The following MAPKAP1 variants were observed in gnomAD, a reference collection of about 807,000 sequenced individuals.
MAPKAP1 encodes the protein MAPK associated protein 1.
A neutral mutation model predicts 65.7 loss-of-function variants in MAPKAP1; 20 were observed. The observed-to-expected ratio is 0.30, with a 90% CI of 0.21 to 0.44. The LOEUF is 0.44. Among genes scored for constraint, MAPKAP1 ranks in the 20% least tolerant of loss-of-function variants. The pLI is 1.00. For synonymous variants in MAPKAP1, 222 were observed against 244.3 expected (o/e 0.91, Z 0.85); for missense variants, 423 against 648.0 (o/e 0.65, Z 3.77).
intron 7 of MAPKAP1, among the ~76,000 whole-genome samples, chr9:125,536,007 G>A (rs756230871): frequency 1.3e-5 from 2 of 152,208 alleles, no homozygotes; most frequent in African/African-American, 4.8e-5. Flanking sequence ...AAAGATTAGC[G>A]ACTAGCAGGA....
At chr9:125,471,055 A>T (rs1853899054) in intron 9 of MAPKAP1, 1 of 152,172 alleles carries the variant, frequency 6.6e-6, no homozygotes, top group Non-Finnish European at 1.5e-5. Context: ...TGATGGGAAA[A>T]ATCCTTTTGT....
chr9:125,576,788 T>C (rs1272334664), intron 5 of MAPKAP1, among the ~76,000 whole-genome samples: 26 of 152,306 alleles, frequency 1.7e-4, no homozygotes, highest in South Asian at 6.2e-4. Context: ...CCCGAGGTGC[T>C]GGGATTGCAG....
Position 125,707,158 on chromosome 9 carries a change from C to A in MAPKAP1, c.-257G>T. On this transcript the variant is annotated 5_prime_UTR_variant, in exon 1 of 12. Transcript: ENST00000265960. The stretch of plus-strand genomic sequence containing the variant: ...TTAGCCCTCATGCCCCTGCTGCTCG[C>A]CGCCGCCGGCCGGCCGAGCAGCAGC... The A allele has an allele frequency of 2.5e-6, 1 of 398,182 alleles. No homozygotes were observed. Among genetic ancestry groups the A allele is most frequent in the Non-Finnish European group, 4.4e-6 (1 of 225,748 alleles). 24.7% of individuals were successfully genotyped at this position (398,182 alleles called of 1,614,324 possible). A position where few individuals can be genotyped will look rare whatever the true frequency, so the allele number is the denominator to read the frequency against.
At position 125,669,832 on chromosome 9, in the gene MAPKAP1, T is replaced by C. The variant is rs1278792108; in HGVS notation, c.335A>G (p.Asn112Ser). 2 of 1,563,836 alleles carry C rather than the reference T, an allele frequency of 1.3e-6. No individual in the cohort carries two copies. Among genetic ancestry groups the C allele is most frequent in the East Asian group, 2.3e-5 (1 of 43,978 alleles). ...TTTCCATTTACCTGATTGCTTAGAATTTCTTTCTTTCCACTGAATATTTTT... is the reference window on the plus strand; with the variant it reads ...TTTCCATTTACCTGATTGCTTAGAACTTCTTTCTTTCCACTGAATATTTTT... ...KCKNIQWKER[N>S]SKQSAQELKS... is the part of the protein sequence containing the mutation. The change falls in exon 3 of 12, where the codon AAT (asparagine) becomes AGT (serine). Residue 112 changes from asparagine (N) to serine (S), a missense_variant. Around this residue, in one of 6 missense-constraint regions of MAPKAP1, gnomAD observed 67 missense variants for 69.6 expected, o/e 0.96. Coordinates refer to ENST00000265960, the MANE Select transcript of MAPKAP1 (RefSeq NM_001006617.3).
At chr9:125,704,812 G>C (rs188374262) in intron 1 of MAPKAP1, among the ~76,000 whole-genome samples, 13 of 152,238 alleles carry the variant, frequency 8.5e-5, no homozygotes, top group Middle Eastern at 3.4e-3. Context: ...GTATCTTATA[G>C]CTATTTATTT....
chr9:125,626,430 A>G (rs540797155), intron 4 of MAPKAP1, among the ~76,000 whole-genome samples: 54 of 152,358 alleles, frequency 3.5e-4, no homozygotes, highest in African/African-American at 1.2e-3. Context: ...TCCTATGCAG[A>G]TCCAATCTCT....
rs1370878478 is a variant in MAPKAP1 at position 125,595,908 on chromosome 9, G to A, written c.499-10181C>T. On this transcript the variant is annotated intron_variant, in intron 4 of 11. Transcript: ENST00000265960. The surrounding 1 kb of genome is among the most constrained non-coding windows in gnomAD (Gnocchi z 4.0). Reference sequence around the variant, plus strand: ...AATGCAAGGCCACACAAGGTGGATCGGAGTTGTGGAACCAAAGAGAGCTGT... The same window carrying A: ...AATGCAAGGCCACACAAGGTGGATCAGAGTTGTGGAACCAAAGAGAGCTGT... 1.0e-5 allele frequency: 13 copies of A among 1,255,436 alleles called. No homozygotes were observed. Among genetic ancestry groups the A allele is most frequent in the Admixed American group, 1.7e-5 (1 of 59,580 alleles). The allele number at this position is 1,255,436 out of a possible 1,614,324, so 77.8% of individuals were successfully genotyped here.
intron 5 of MAPKAP1, among the ~76,000 whole-genome samples, chr9:125,570,922 T>TAAAA (rs35868224): frequency 1.4e-5 from 2 of 143,082 alleles, no homozygotes; most frequent in African/African-American, 5.1e-5. Context: ...TGCTCTTTCA[T>TAAAA]AAAAAAAAAA....
chr9:125,584,599 G>A (rs1409304317), intron 5 of MAPKAP1, among the ~76,000 whole-genome samples: 1 of 152,120 alleles, frequency 6.6e-6, no homozygotes, highest in African/African-American at 2.4e-5. Context: ...GCTAATTTTT[G>A]TATTTTCAGT....
intron 3 of MAPKAP1, among the ~76,000 whole-genome samples, chr9:125,662,345 G>A (rs1017218534): frequency 6.6e-6 from 1 of 152,174 alleles, no homozygotes; most frequent in Non-Finnish European, 1.5e-5. Context: ...TCATGCCACT[G>A]CATTCTAGCC....
chr9:125,466,838 G>A (rs1258511251), intron 10 of MAPKAP1, among the ~76,000 whole-genome samples: 6 of 152,148 alleles, frequency 3.9e-5, no homozygotes, highest in Admixed American at 3.9e-4. Context: ...AGCAGAGTTT[G>A]ACAAAAAATT....
intron 7 of MAPKAP1, among the ~76,000 whole-genome samples, chr9:125,510,696 G>C (rs186769359): frequency 9.2e-5 from 14 of 152,264 alleles, no homozygotes; most frequent in African/African-American, 3.4e-4. Flanking sequence ...AACAACCTGG[G>C]GGAAGGCAGG....
intron 10 of MAPKAP1, among the ~76,000 whole-genome samples, chr9:125,462,223 G>A (rs900578220): frequency 6.6e-6 from 1 of 152,232 alleles, no homozygotes; most frequent in African/African-American, 2.4e-5. Context: ...TGCCCAGGGT[G>A]ATTTCAGTAA....
chr9:125,573,512 A>T (rs1208544220), intron 5 of MAPKAP1, among the ~76,000 whole-genome samples: 2 of 152,220 alleles, frequency 1.3e-5, no homozygotes, highest in Admixed American at 6.5e-5. Context: ...GCAGCCCCAA[A>T]GGGTTGGCTA....
chr9:125,444,443 A>G (rs951482867), intron 11 of MAPKAP1, 58 bp downstream of exon 11: 2 of 1,348,660 alleles, frequency 1.5e-6, no homozygotes, highest in South Asian at 2.5e-5. Flanking sequence ...TGCCGCAAAC[A>G]GCCTGAAGAG....
In MAPKAP1 at chr9:125,509,965, A is replaced by G. The variant is rs564630135; in HGVS notation, c.959-3548T>C. On this transcript the variant is annotated intron_variant, in intron 7 of 11. Transcript: ENST00000265960. ...TTTCTTGGATCTTGCAGATATTTCT[A>G]TTAAAATTAGTTTTCTGAAAGTAGC... 2.6e-4 allele frequency among the ~76,000 whole-genome samples: 39 copies of G among 152,328 alleles called. No homozygotes were observed. In the East Asian group the frequency reaches 6.4e-3, roughly 25 times the overall value.
chr9:125,488,091 C>T (rs1213859442), intron 8 of MAPKAP1, among the ~76,000 whole-genome samples: 2 of 152,316 alleles, frequency 1.3e-5, no homozygotes, highest in Middle Eastern at 3.4e-3. Context: ...TGGCTCAACA[C>T]AGTAATGCTT....
In MAPKAP1 at chr9:125,536,585, TATTC is replaced by T. The variant is rs6151178; in HGVS notation, c.958+6470_958+6473del. On this transcript the variant is annotated intron_variant, in intron 7 of 11. Transcript: ENST00000265960. ...CACTTAAACAGTTCTATTTTCCATT[TATTC>T]ATTCATTCATTCATTCAGTGTTTAT... Among the ~76,000 whole-genome samples the T allele has an allele frequency of 1.5e-4, 23 of 151,730 alleles. No individual in the cohort carries two copies. In the East Asian group the frequency reaches 3.7e-3, roughly 24 times the overall value.
At chr9:125,482,131 T>TAAAAAAAAAAAAAAA (rs1554808939) in intron 9 of MAPKAP1, among the ~76,000 whole-genome samples, 1 of 99,116 alleles carries the variant, frequency 1.0e-5, no homozygotes, top group Non-Finnish European at 1.9e-5. Flanking sequence ...AAACTCTGTC[T>TAAAAAAAAAAAAAAA]AAAAAAAAAA....
Sources: gnomAD v4.1 joint callset for allele counts (sites outside exome capture counted in the v4.1 genomes callset) on GRCh38, gnomAD v4.1.1 for gene constraint, gnomAD v4.1.1 regional missense constraint, Gnocchi (gnomAD v3.1) non-coding constraint, MANE v1.5 for transcripts, NCBI Gene and HGNC (gene_info 2026-07-23, HGNC 2026-07-21) for gene names.